PTPN9: variants seen among roughly 807,000 people sequenced by gnomAD.
PTPN9 encodes the protein protein tyrosine phosphatase non-receptor type 9, also known as tyrosine-protein phosphatase non-receptor type 9.
Under a neutral mutation model 69.8 loss-of-function variants are expected in PTPN9, and 26 were observed. That is an observed-to-expected ratio of 0.37 (90% confidence interval 0.27 to 0.52). The LOEUF is 0.52. Ranked by LOEUF, PTPN9 falls within the 20% of genes least tolerant of loss-of-function variation. The pLI is 0.91. For synonymous variants in PTPN9, 274 were observed against 272.5 expected (o/e 1.01, Z -0.05); for missense variants, 549 against 740.3 (o/e 0.74, Z 3.00).
chr15:75,493,798 G>T (rs2074724476), intron 7 of PTPN9, among the ~76,000 whole-genome samples: 1 of 152,046 alleles, frequency 6.6e-6, no homozygotes, highest in South Asian at 2.1e-4. Context: ...GAAAATATGA[G>T]AAAGATGAAG....
rs1440571139 is a variant in PTPN9, at chr15:75,464,069, C to CA, written c.*4699dup. The CA allele has an allele frequency of 6.6e-6, 1 of 152,260 alleles. No individual in the cohort carries two copies. The highest frequency in any genetic ancestry group is 1.5e-5 in the Non-Finnish European group (1 of 68,134). 9.4% of individuals were successfully genotyped at this position (152,260 alleles called of 1,614,324 possible). A position where few individuals can be genotyped will look rare whatever the true frequency, so the allele number is the denominator to read the frequency against. On this transcript the variant is annotated 3_prime_UTR_variant, in exon 13 of 13. Coordinates refer to ENST00000618819, the MANE Select transcript of PTPN9 (RefSeq NM_002833.4). The stretch of plus-strand genomic sequence containing the variant: ...ACAGAGACCTGACCTGCTTTTCCTC[C>CA]AATTGGAAGGCCAAGGGGGAAGAGA...
chr15:75,480,726 TC>T, intron 8 of PTPN9: 2 of 1,308,774 alleles, frequency 1.5e-6, no homozygotes, highest in Admixed American at 3.7e-5. Flanking sequence ...AGGATGGAGT[TC>T]AGCGGGCAGC....
intron 8 of PTPN9, 151 bp from the exon 9 acceptor site, chr15:75,480,065 C>T (rs2074619778): frequency 1.8e-6 from 1 of 556,656 alleles, no homozygotes; most frequent in Non-Finnish European, 3.1e-6. Context: ...CAAACCCTCA[C>T]TTCAATAAAT....
At chr15:75,498,714 TA>T (rs1236255427) in intron 7 of PTPN9, among the ~76,000 whole-genome samples, 3 of 151,926 alleles carry the variant, frequency 2.0e-5, no homozygotes, top group African/African-American at 7.2e-5. Context: ...GACTCTGTCT[TA>T]AAAAAATAAG....
intron 8 of PTPN9, among the ~76,000 whole-genome samples, chr15:75,484,130 G>A (rs957361887): frequency 3.3e-5 from 5 of 152,128 alleles, no homozygotes; most frequent in African/African-American, 1.2e-4. Flanking sequence ...GTCTCCTAAT[G>A]ACGGTCTCAA....
rs142774125 is a variant in PTPN9, at chr15:75,536,623, T to C, written c.64-9362A>G. ...GATATCATATAGCTAGTGTGTCCAA[T>C]GTGTATGAGGGAGAATGGTGGGAGA... On this transcript the variant is annotated intron_variant, in intron 1 of 12. Transcript: ENST00000618819. Among the ~76,000 whole-genome samples the C allele has an allele frequency of 1.9e-4, 29 of 152,216 alleles. No homozygotes were observed. The East Asian group carries it at 5.4e-3, about 28-fold the overall frequency.
At chr15:75,470,506 C>A (rs2074558340) in intron 11 of PTPN9, among the ~76,000 whole-genome samples, 174 bp downstream of exon 11, 1 of 152,230 alleles carries the variant, frequency 6.6e-6, no homozygotes, top group African/African-American at 2.4e-5. Context: ...TCCTATCGTG[C>A]TGCAGTAATA....
At chr15:75,493,847 C>T (rs1159143835) in intron 7 of PTPN9, among the ~76,000 whole-genome samples, 3 of 152,158 alleles carry the variant, frequency 2.0e-5, no homozygotes, top group Non-Finnish European at 2.9e-5. Flanking sequence ...AGTCAGCAAA[C>T]TATGCCCTGG....
chr15:75,505,695 A>C lies in PTPN9; in HGVS notation c.948T>G (p.Val316=). The C allele has an allele frequency of 6.2e-7, 1 of 1,613,886 alleles. No individual in the cohort carries two copies. The highest frequency in any genetic ancestry group is 8.5e-7 in the Non-Finnish European group (1 of 1,179,890). The change falls in exon 7 of 13, where the codon GTT becomes GTG. Residue 316 remains valine, a synonymous_variant. Transcript: ENST00000618819. ...EYEDIRRENP[V]GTFHCSMSPG... ...CTTACATGGAACAGTGGAAAGTGCC[A>C]ACAGGGTTCTCACGACGAATGTCTT...
intron 1 of PTPN9, among the ~76,000 whole-genome samples, chr15:75,548,101 T>G (rs1303204438): frequency 5.9e-5 from 9 of 152,252 alleles, no homozygotes; most frequent in African/African-American, 1.4e-4. Context: ...TTCGAACTGT[T>G]AGGTAACTTG....
chr15:75,561,149 A>G (rs986445439), intron 1 of PTPN9, among the ~76,000 whole-genome samples: 8 of 150,720 alleles, frequency 5.3e-5, no homozygotes, highest in Admixed American at 4.6e-4. Context: ...AACCTTATCT[A>G]TATTAAAAAT....
rs189510323 is a variant in PTPN9, at chr15:75,491,615, T to C, written c.969-1314A>G. 1.4e-4 allele frequency among the ~76,000 whole-genome samples: 21 copies of C among 152,208 alleles called. No homozygotes were observed. In the East Asian group the frequency reaches 3.9e-3, roughly 28 times the overall value. ...AAGCCTATGTTGCCATAAACAGGCA[T>C]AAAAGGCAATTCTACTATGGGCTCA... On this transcript the variant is annotated intron_variant, in intron 7 of 12. Transcript: ENST00000618819.
intron 4 of PTPN9, among the ~76,000 whole-genome samples, chr15:75,521,555 A>G (rs2074905372): frequency 6.6e-6 from 1 of 152,148 alleles, no homozygotes; most frequent in Non-Finnish European, 1.5e-5. Flanking sequence ...GGTTTTAAAA[A>G]AACGGAGAAG....
chr15:75,548,933 A>G (rs2075045695), intron 1 of PTPN9, among the ~76,000 whole-genome samples: 2 of 151,868 alleles, frequency 1.3e-5, no homozygotes, highest in African/African-American at 2.4e-5. Context: ...GATTATAGGC[A>G]TGAGCCACCA....
intron 1 of PTPN9, among the ~76,000 whole-genome samples, chr15:75,547,088 G>A (rs1166447419): frequency 6.6e-6 from 1 of 151,824 alleles, no homozygotes; most frequent in Non-Finnish European, 1.5e-5. Context: ...CTGAGGTCAG[G>A]AGTTTGAAAC....
At chr15:75,501,324 A>G (rs1416339414) in intron 7 of PTPN9, among the ~76,000 whole-genome samples, 1 of 152,134 alleles carries the variant, frequency 6.6e-6, no homozygotes, top group Non-Finnish European at 1.5e-5. Context: ...ACAGAGGAAA[A>G]CCAAAGTGCT....
intron 4 of PTPN9, among the ~76,000 whole-genome samples, chr15:75,520,846 C>T (rs1271271763): frequency 2.0e-5 from 3 of 151,992 alleles, no homozygotes; most frequent in Non-Finnish European, 4.4e-5. Flanking sequence ...CTCTGTTGCC[C>T]ATGCTGTAGT....
intron 1 of PTPN9, among the ~76,000 whole-genome samples, 178 bp from the exon 2 acceptor site, chr15:75,527,439 A>C (rs1029807136): frequency 5.3e-5 from 8 of 152,176 alleles, no homozygotes; most frequent in Non-Finnish European, 1.2e-4. Context: ...ACATAGTTAA[A>C]ATTTGTATAA....
chr15:75,533,911 G>A (rs895360043), intron 1 of PTPN9, among the ~76,000 whole-genome samples: 4 of 152,156 alleles, frequency 2.6e-5, no homozygotes, highest in Non-Finnish European at 5.9e-5. Context: ...AGTTCCACAG[G>A]TAGTACCTTA....
Sources: allele counts gnomAD v4.1 joint callset (sites outside exome capture counted in the v4.1 genomes callset), GRCh38; gene constraint gnomAD v4.1.1; transcripts MANE v1.5; gene names NCBI Gene and HGNC (gene_info 2026-07-23, HGNC 2026-07-21).